Variants in DMC1 observed in about 807,000 individuals in gnomAD.
The protein encoded by DMC1 is meiotic recombination protein DMC1 homolog.
DMC1 carries 27 observed loss-of-function variants against 50.1 expected under a neutral mutation model. The observed-to-expected ratio is 0.54, with a 90% confidence interval of 0.40 to 0.74. The LOEUF (loss-of-function observed/expected upper bound fraction) is 0.74. Ranked by LOEUF, DMC1 falls within the 30% of genes least tolerant of loss-of-function variation. The probability of loss-of-function intolerance (pLI) is 0.00; values close to 1 mark genes in which losing one functional copy is unlikely to be tolerated. For synonymous variants in DMC1, 148 were observed against 136.1 expected (o/e 1.09, Z -0.61); for missense variants, 295 against 420.2 (o/e 0.70, Z 2.60).
intron 7 of DMC1, among the ~76,000 whole-genome samples, chr22:38,550,317 CTTT>C (rs11458767): frequency 7.5e-6 from 1 of 133,970 alleles, no homozygotes; most frequent in Non-Finnish European, 1.6e-5. Context: ...CTTTTCTTTT[CTTT>C]TTTTTTTTTT....
chr22:38,542,895 A>T (rs186731580), intron 8 of DMC1, among the ~76,000 whole-genome samples: 1 of 152,314 alleles, frequency 6.6e-6, no homozygotes, highest in Non-Finnish European at 1.5e-5. Context: ...TCAGAAACAA[A>T]TCCACACACC....
intron 8 of DMC1, among the ~76,000 whole-genome samples, chr22:38,547,610 G>A (rs373479047): frequency 2.0e-5 from 3 of 151,644 alleles, no homozygotes; most frequent in East Asian, 3.9e-4. Context: ...GCACGATCTC[G>A]GCTCACCGCA....
Position 38,519,822 on chromosome 22 carries a change from C to CT in DMC1, c.*197_*198insA. On this transcript the variant is annotated 3_prime_UTR_variant, in exon 14 of 14. Coordinates refer to ENST00000216024, the MANE Select transcript of DMC1 (RefSeq NM_007068.4). Reference sequence around the variant, plus strand: ...CACACACAAACATACATATACATATCCCTGAATTTACATACAATGTATAGT... The same window carrying CT: ...CACACACAAACATACATATACATATCTCCTGAATTTACATACAATGTATAGT... 2 of 542,854 alleles carry CT rather than the reference C, an allele frequency of 3.7e-6. No homozygotes were observed. The highest frequency in any genetic ancestry group is 6.7e-6 in the Non-Finnish European group (2 of 297,112). The allele number at this position is 542,854 out of a possible 1,614,324, so 33.6% of individuals were successfully genotyped here.
chr22:38,519,779 T>C lies in DMC1; in HGVS notation c.*241A>G. 2.1e-6 allele frequency: 1 copy of C among 466,256 alleles called. No homozygotes were observed. Among genetic ancestry groups the C allele is most frequent in the Non-Finnish European group, 4.0e-6 (1 of 253,128 alleles). The allele number at this position is 466,256 out of a possible 1,614,324, so 28.9% of individuals were successfully genotyped here. ...ATATATCTACTATATATGTCAGGTA[T>C]ACACACACAAACACACACACACACA... is the stretch of plus-strand genomic sequence containing the variant. On this transcript the variant is annotated 3_prime_UTR_variant, in exon 14 of 14. Transcript: ENST00000216024.
At position 38,524,836 on chromosome 22, in the gene DMC1, C is replaced by A. The variant is rs566830751; in HGVS notation, c.837-3112G>T. On this transcript the variant is annotated intron_variant, in intron 12 of 13. Coordinates refer to ENST00000216024, the MANE Select transcript of DMC1 (RefSeq NM_007068.4). ...TAGCACTTTGGGAGGCCGAGGCGGG[C>A]GGATCACCTGAGGTCAGGGGTTCAA... 2.6e-5 allele frequency among the ~76,000 whole-genome samples: 4 copies of A among 152,138 alleles called. No homozygotes were observed. The South Asian group carries it at 6.2e-4, about 24-fold the overall frequency.
chr22:38,540,066 C>CT (rs2090263560), intron 8 of DMC1, among the ~76,000 whole-genome samples: 2 of 152,116 alleles, frequency 1.3e-5, no homozygotes, highest in Non-Finnish European at 2.9e-5. Context: ...CATAGGTTTT[C>CT]TTTTTCTTTT....
downstream of DMC1, among the ~76,000 whole-genome samples, chr22:38,514,348 G>A (rs1365590094): frequency 2.1e-5 from 3 of 146,166 alleles, no homozygotes; most frequent in African/African-American, 5.1e-5. Context: ...GGGTTCAAGC[G>A]ATTCTTCTGC....
At chr22:38,533,620 A>G (rs1334120053) in intron 12 of DMC1, among the ~76,000 whole-genome samples, 1 of 152,200 alleles carries the variant, frequency 6.6e-6, no homozygotes, top group East Asian at 1.9e-4. Flanking sequence ...TCTGTTTTAA[A>G]GTAATAGCAC....
chr22:38,569,881 G>C (rs762451995), intron 1 of DMC1, among the ~76,000 whole-genome samples, 162 bp downstream of exon 1: 30 of 152,230 alleles, frequency 2.0e-4, no homozygotes, highest in Non-Finnish European at 3.5e-4. Context: ...AATGAGGTTG[G>C]AAATCCCTCA....
intron 8 of DMC1, among the ~76,000 whole-genome samples, chr22:38,544,913 T>C (rs1266390029): frequency 6.6e-6 from 1 of 151,924 alleles, no homozygotes; most frequent in Non-Finnish European, 1.5e-5. Flanking sequence ...ATTACAGGCA[T>C]GAGCCACTGC....
In DMC1 at chr22:38,549,963, T is replaced by C. The variant is rs770016242; in HGVS notation, c.456A>G (p.Pro152=). 7.4e-6 allele frequency: 12 copies of C among 1,613,696 alleles called. No individual in the cohort carries two copies. Among genetic ancestry groups the C allele is most frequent in the South Asian group, 1.1e-5 (1 of 91,054 alleles). Residue 152 remains proline, a synonymous_variant, in exon 8 of 14, where the codon CCA becomes CCG. Transcript: ENST00000216024. ...TAQLPGAGGY[P]GGKIIFIDTE... is the part of the protein sequence containing the mutation. ...TATCAATGAAGATAATCTTTCCTCC[T>C]GGGTAGCCACCAGCTCCTGGAAGTT...
downstream of DMC1, among the ~76,000 whole-genome samples, chr22:38,515,286 T>C (rs567014026): frequency 6.7e-6 from 1 of 149,654 alleles, no homozygotes; most frequent in African/African-American, 2.4e-5. Flanking sequence ...AAGACCAGCC[T>C]GACCAACATG....
At chr22:38,552,818 G>T in intron 6 of DMC1, 111 bp from the exon 7 acceptor site, 1 of 747,334 alleles carries the variant, frequency 1.3e-6, no homozygotes, top group Non-Finnish European at 2.3e-6. Flanking sequence ...TTTCCAACTG[G>T]CAAATCTTAC....
At chr22:38,567,249 T>A (rs1327261121) in intron 3 of DMC1, among the ~76,000 whole-genome samples, 1 of 152,148 alleles carries the variant, frequency 6.6e-6, no homozygotes, top group Non-Finnish European at 1.5e-5. Flanking sequence ...GTCAGCACAG[T>A]TTTACTATCA....
At chr22:38,513,568 C>T in the DMC1 span, among the ~76,000 whole-genome samples, 10 of 152,082 alleles carry the variant, frequency 6.6e-5, no homozygotes. Context: ...CTTTCTCTCT[C>T]TCTTTCTTTT....
At chr22:38,521,537 CTACA>C in intron 13 of DMC1, 67 bp downstream of exon 13, 1 of 866,738 alleles carries the variant, frequency 1.2e-6, no homozygotes, top group Non-Finnish European at 1.7e-6. Context: ...AACCCCGTCT[CTACA>C]CACACACACA....
chr22:38,545,068 A>G (rs551797860), intron 8 of DMC1, among the ~76,000 whole-genome samples: 1 of 152,284 alleles, frequency 6.6e-6, no homozygotes, highest in African/African-American at 2.4e-5. Flanking sequence ...CAAAACTACA[A>G]TGAAATATCA....
chr22:38,509,574 G>T, the DMC1 span, among the ~76,000 whole-genome samples: 3 of 152,138 alleles, frequency 2.0e-5, no homozygotes, highest in Admixed American at 2.0e-4. Flanking sequence ...CATTGTCGGG[G>T]TGAAATTCAA....
At chr22:38,557,953 G>GTTTTTTTTT (rs1555940699) in intron 5 of DMC1, among the ~76,000 whole-genome samples, 28 of 94,968 alleles carry the variant, frequency 2.9e-4, no homozygotes, top group Middle Eastern at 6.0e-3. Context: ...ATTAGACAAA[G>GTTTTTTTTT]TTCTTTTTTT....
Sources: allele counts gnomAD v4.1 joint callset (sites outside exome capture counted in the v4.1 genomes callset), GRCh38; gene constraint gnomAD v4.1.1; transcripts MANE v1.5; gene names NCBI Gene and HGNC (gene_info 2026-07-23, HGNC 2026-07-21).